The following ST8SIA2 variants were observed in gnomAD, a reference collection of about 807,000 sequenced individuals.
ST8SIA2 encodes alpha-2,8-sialyltransferase 8B.
A neutral mutation model predicts 37.6 loss-of-function variants in ST8SIA2; 22 were observed. The observed-to-expected ratio is 0.58, with a 90% confidence interval of 0.42 to 0.83. ST8SIA2 has a LOEUF of 0.83. Among genes scored for constraint, ST8SIA2 ranks in the 40% least tolerant of loss-of-function variants. ST8SIA2 has a pLI of 0.00. For synonymous variants in ST8SIA2, 205 were observed against 201.2 expected, an observed-to-expected ratio of 1.02 and a Z score of -0.16; for missense variants, 382 against 484.7, an observed-to-expected ratio of 0.79 and a Z score of 1.99.
intron 1 of ST8SIA2, among the ~76,000 whole-genome samples, chr15:92,403,019 G>A (rs552713207): frequency 2.0e-5 from 3 of 152,260 alleles, no homozygotes; most frequent in South Asian, 2.1e-4. Context: ...AGTGAGTGAC[G>A]GAGGGAGGGA....
intron 5 of ST8SIA2, among the ~76,000 whole-genome samples, chr15:92,458,155 T>C (rs2049932650): frequency 6.6e-6 from 1 of 152,196 alleles, no homozygotes; most frequent in African/African-American, 2.4e-5. Context: ...AGTTTATTTC[T>C]CACTCACTCG....
Position 92,462,843 on chromosome 15 carries a change from A to G in ST8SIA2, c.843-1257A>G, listed in dbSNP as rs562614710. On this transcript the variant is annotated intron_variant, in intron 5 of 5. Transcript: ENST00000268164. The stretch of plus-strand genomic sequence containing the variant: ...CCTAGGGTAAGTGGAAGCTTTTACT[A>G]GAAATAAAGACATTAGACCACACAT... Among the ~76,000 whole-genome samples, 96 of 152,374 alleles carry G rather than the reference A, an allele frequency of 6.3e-4. 2 individuals are homozygous for G. The South Asian group carries it at 0.019, about 31-fold the overall frequency.
At position 92,464,586 on chromosome 15, in the gene ST8SIA2, T is replaced by G; in HGVS notation, c.*201T>G. 1.6e-6 allele frequency: 1 copy of G among 642,990 alleles called. No individual in the cohort carries two copies. Among genetic ancestry groups the G allele is most frequent in the Non-Finnish European group, 2.7e-6 (1 of 371,524 alleles). The allele number at this position is 642,990 out of a possible 1,614,324, so 39.8% of individuals were successfully genotyped here. A position where few individuals can be genotyped will look rare whatever the true frequency, so the allele number is the denominator to read the frequency against. ...TATTTATAACTGTGTGGTGTTCATC[T>G]AGCATTAGGCAGATAGGCCACAGGA... On this transcript the variant is annotated 3_prime_UTR_variant, in exon 6 of 6. Coordinates refer to ENST00000268164, the MANE Select transcript of ST8SIA2 (RefSeq NM_006011.4).
At position 92,413,264 on chromosome 15, in the gene ST8SIA2, A is replaced by C. The variant is rs573317439; in HGVS notation, c.99-16785A>C. Reference sequence around the variant, plus strand: ...CTCAGCCATAACCTATCCTCCTCTCAGAAAACTTTTAATCAGAACAGTAAT... The same window carrying C: ...CTCAGCCATAACCTATCCTCCTCTCCGAAAACTTTTAATCAGAACAGTAAT... On this transcript the variant is annotated intron_variant, in intron 1 of 5. Transcript: ENST00000268164. Among the ~76,000 whole-genome samples, 17 of 152,350 alleles carry C rather than the reference A, an allele frequency of 1.1e-4. No homozygotes were observed. In the East Asian group the frequency reaches 2.1e-3, roughly 19 times the overall value.
chr15:92,461,290 C>T (rs1227256916), intron 5 of ST8SIA2, among the ~76,000 whole-genome samples: 2 of 152,166 alleles, frequency 1.3e-5, no homozygotes, highest in Non-Finnish European at 2.9e-5. Context: ...CCCTCTACCC[C>T]ACCCCATAGA....
Position 92,393,996 on chromosome 15 carries a change from C to A in ST8SIA2, c.-69C>A. 2.5e-6 allele frequency: 3 copies of A among 1,212,342 alleles called. No homozygotes were observed. The highest frequency in any genetic ancestry group is 1.8e-5 in the South Asian group (1 of 56,456). 75.1% of individuals were successfully genotyped at this position (1,212,342 alleles called of 1,614,324 possible). On this transcript the variant is annotated 5_prime_UTR_variant, in exon 1 of 6. Coordinates refer to ENST00000268164, the MANE Select transcript of ST8SIA2 (RefSeq NM_006011.4). ...CGCGGCGCGCGGAGGCTCCGGCGTC[C>A]GCCGCTGCGCCCTCCGGCCCCTGCT...
intron 1 of ST8SIA2, chr15:92,421,070 C>G (rs539436131): frequency 1.3e-5 from 2 of 152,210 alleles, no homozygotes; most frequent in Admixed American, 1.3e-4. Context: ...ACTAGAAGTG[C>G]TGCTTGCTGT....
chr15:92,418,449 T>G (rs1596234676), intron 1 of ST8SIA2, among the ~76,000 whole-genome samples: 2 of 114,494 alleles, frequency 1.7e-5, no homozygotes, highest in African/African-American at 7.1e-5. Flanking sequence ...GCGACAGGAG[T>G]GAGACCCTCC....
At chr15:92,395,914 C>T (rs868559429) in intron 1 of ST8SIA2, among the ~76,000 whole-genome samples, 4 of 152,226 alleles carry the variant, frequency 2.6e-5, no homozygotes, top group African/African-American at 4.8e-5. Context: ...TACCAAATAC[C>T]TTCCACATGC....
At position 92,464,994 on chromosome 15, in the gene ST8SIA2, G is replaced by A. The variant is rs551971245; in HGVS notation, c.*609G>A. On this transcript the variant is annotated 3_prime_UTR_variant, in exon 6 of 6. Coordinates refer to ENST00000268164, the MANE Select transcript of ST8SIA2 (RefSeq NM_006011.4). ...AGTTTGACTGCCTAAGGGACAGCACGAATGACTCACATGTTTCAGACAGGC... is the reference window on the plus strand; with the variant it reads ...AGTTTGACTGCCTAAGGGACAGCACAAATGACTCACATGTTTCAGACAGGC... 9 of 154,910 alleles carry A rather than the reference G, an allele frequency of 5.8e-5. No homozygotes were observed. The highest frequency in any genetic ancestry group is 5.8e-4 in the East Asian group (3 of 5,212). The allele number at this position is 154,910 out of a possible 1,614,324, so 9.6% of individuals were successfully genotyped here.
intron 5 of ST8SIA2, among the ~76,000 whole-genome samples, chr15:92,461,892 C>T (rs1004110409): frequency 2.6e-5 from 4 of 152,176 alleles, no homozygotes; most frequent in African/African-American, 7.2e-5. Context: ...CAAACACTTG[C>T]TCCTGTTATT....
intron 5 of ST8SIA2, among the ~76,000 whole-genome samples, chr15:92,460,458 A>G (rs1314874292): frequency 6.6e-6 from 1 of 152,182 alleles, no homozygotes; most frequent in Non-Finnish European, 1.5e-5. Context: ...AGGTGCATGA[A>G]TACTTTGCAG....
intron 1 of ST8SIA2, among the ~76,000 whole-genome samples, chr15:92,397,371 AG>A (rs2049439423): frequency 6.6e-6 from 1 of 152,052 alleles, no homozygotes; most frequent in Admixed American, 6.5e-5. Flanking sequence ...GCTTTCTTTG[AG>A]GGGAGTTTTC....
chr15:92,464,036 C>T, intron 5 of ST8SIA2, 64 bp from the exon 6 acceptor site: 1 of 1,509,412 alleles, frequency 6.6e-7, no homozygotes, highest in South Asian at 1.3e-5. Context: ...TTTTTGTCTT[C>T]CTGGAAAGGA....
intron 2 of ST8SIA2, among the ~76,000 whole-genome samples, chr15:92,431,529 T>A (rs1176378623): frequency 6.6e-6 from 1 of 152,162 alleles, no homozygotes; most frequent in African/African-American, 2.4e-5. Flanking sequence ...ATCTGTGGCA[T>A]GAAAAGAAGG....
intron 1 of ST8SIA2, among the ~76,000 whole-genome samples, chr15:92,410,885 G>C (rs1377413289): frequency 6.6e-6 from 1 of 152,166 alleles, no homozygotes; most frequent in Non-Finnish European, 1.5e-5. Context: ...ACTTGAGCTG[G>C]AAAAAGAATG....
chr15:92,436,203 G>A (rs2049757134), intron 3 of ST8SIA2, among the ~76,000 whole-genome samples: 2 of 152,202 alleles, frequency 1.3e-5, no homozygotes, highest in East Asian at 1.9e-4. Context: ...CAGGTTCCAG[G>A]GGTTAGGAGG....
chr15:92,399,152 G>A (rs2049452874), intron 1 of ST8SIA2, among the ~76,000 whole-genome samples: 1 of 152,196 alleles, frequency 6.6e-6, no homozygotes, highest in Admixed American at 6.5e-5. Context: ...AGGAAGGAAA[G>A]CTCCTATTCC....
Position 92,465,607 on chromosome 15 carries a change from C to A in ST8SIA2, c.*1222C>A, listed in dbSNP as rs2141856652. On this transcript the variant is annotated 3_prime_UTR_variant, in exon 6 of 6. Transcript: ENST00000268164. ...CTTGTCACTTTCCTACCCTGATGGT[C>A]ACACTAGCCCACCCCAAGCTCCGAC... 1.3e-5 allele frequency: 2 copies of A among 152,314 alleles called. No homozygotes were observed. The highest frequency in any genetic ancestry group is 3.4e-3 in the Middle Eastern group (1 of 294). 9.4% of individuals were successfully genotyped at this position (152,314 alleles called of 1,614,324 possible). A position where few individuals can be genotyped will look rare whatever the true frequency, so the allele number is the denominator to read the frequency against.
Sources: gnomAD v4.1 joint callset for allele counts (sites outside exome capture counted in the v4.1 genomes callset) on GRCh38, gnomAD v4.1.1 for gene constraint, MANE v1.5 for transcripts, NCBI Gene and HGNC (gene_info 2026-07-23, HGNC 2026-07-21) for gene names.